Variants in GRM7 observed in about 807,000 individuals in gnomAD.
GRM7 encodes the protein glutamate metabotropic receptor 7.
GRM7 carries 35 observed loss-of-function variants against 84.5 expected under a neutral mutation model. The ratio of observed to expected loss-of-function variants is 0.41; its 90% CI spans 0.32 to 0.55. The LOEUF (loss-of-function observed/expected upper bound fraction) is 0.55. Ranked by LOEUF, GRM7 falls within the 20% of genes least tolerant of loss-of-function variation. The pLI is 0.19. For missense variants in GRM7, 1,003 were observed against 1,194.6 expected, an observed-to-expected ratio of 0.84 and a Z score of 2.36; for synonymous variants, 487 against 455.1, an observed-to-expected ratio of 1.07 and a Z score of -0.89.
At chr3:6,931,053 G>C (rs1007957902) in intron 1 of GRM7, among the ~76,000 whole-genome samples, 2 of 152,106 alleles carry the variant, frequency 1.3e-5, no homozygotes, top group Non-Finnish European at 2.9e-5. Context: ...GCCAGGCTTT[G>C]TATCCATTTA....
At chr3:7,500,953 A>G (rs1166243284) in intron 7 of GRM7, among the ~76,000 whole-genome samples, 1 of 152,232 alleles carries the variant, frequency 6.6e-6, no homozygotes, top group Non-Finnish European at 1.5e-5. Flanking sequence ...TGCCTCAACC[A>G]AATCAGTCAA....
In GRM7 at chr3:7,031,673, T is replaced by TA. The variant is rs1285485343; in HGVS notation, c.520-114778dup. The stretch of plus-strand genomic sequence containing the variant: ...GATGTTACTCCAGATACATTTTTTT[T>TA]ATTATACTTGTCATTGCTACTATTG... On this transcript the variant is annotated intron_variant, in intron 1 of 9. Coordinates refer to ENST00000357716, the MANE Select transcript of GRM7 (RefSeq NM_000844.4). 2.0e-5 allele frequency among the ~76,000 whole-genome samples: 3 copies of TA among 152,164 alleles called. No individual in the cohort carries two copies. In the East Asian group the frequency reaches 5.8e-4, roughly 29 times the overall value.
chr3:7,179,197 C>A (rs1695256085), intron 2 of GRM7, among the ~76,000 whole-genome samples: 1 of 152,190 alleles, frequency 6.6e-6, no homozygotes, highest in African/African-American at 2.4e-5. Context: ...TATCTAAAAT[C>A]TCTGGAGGTA....
chr3:6,991,524 A>C (rs76855651), intron 1 of GRM7, among the ~76,000 whole-genome samples: 1,709 of 152,358 alleles, frequency 0.011, 30 homozygotes, highest in African/African-American at 0.039. Context: ...ATACAGCTAA[A>C]GTTAAGAGTC....
chr3:7,356,843 C>G (rs1693428143), intron 4 of GRM7, among the ~76,000 whole-genome samples: 1 of 151,418 alleles, frequency 6.6e-6, no homozygotes, highest in East Asian at 2.0e-4. Flanking sequence ...ATGCTACTGA[C>G]TTTCCCAAAA....
At chr3:7,693,596 A>T in intron 9 of GRM7, 1 of 1,344,910 alleles carries the variant, frequency 7.4e-7, no homozygotes, top group Non-Finnish European at 1.0e-6. Context: ...GGTTTGCCAA[A>T]GTCCAGACTG....
intron 4 of GRM7, among the ~76,000 whole-genome samples, chr3:7,413,085 G>A (rs60310685): frequency 0.047 from 7,074 of 152,098 alleles, 475 homozygotes; most frequent in African/African-American, 0.15. Context: ...GTAACTGTAT[G>A]TCTTGTATTG....
intron 9 of GRM7, among the ~76,000 whole-genome samples, chr3:7,720,195 A>G (rs1575667747): frequency 6.6e-6 from 1 of 152,124 alleles, no homozygotes; most frequent in South Asian, 2.1e-4. Flanking sequence ...TAAATCCAGG[A>G]ACTTTGACAT....
intron 2 of GRM7, among the ~76,000 whole-genome samples, chr3:7,187,380 C>T (rs17216426): frequency 0.12 from 17,976 of 152,186 alleles, 1,333 homozygotes; most frequent in East Asian, 0.2. Flanking sequence ...TTGTTTGTCT[C>T]TCTCACCCTC....
chr3:7,159,897 G>T (rs1406593733), intron 2 of GRM7, among the ~76,000 whole-genome samples: 1 of 152,086 alleles, frequency 6.6e-6, no homozygotes, highest in Non-Finnish European at 1.5e-5. Context: ...TATTTAAAGT[G>T]CTTAAGCTTT....
chr3:7,349,194 C>G (rs935744928), intron 4 of GRM7, among the ~76,000 whole-genome samples: 3 of 152,098 alleles, frequency 2.0e-5, no homozygotes, highest in African/African-American at 7.2e-5. Context: ...AACATTTTTA[C>G]TCCTTTTCCC....
intron 2 of GRM7, among the ~76,000 whole-genome samples, chr3:7,170,981 A>G (rs906011962): frequency 6.6e-6 from 1 of 152,058 alleles, no homozygotes; most frequent in African/African-American, 2.4e-5. Flanking sequence ...TCACATCTGG[A>G]GCTCTTATCC....
At chr3:7,496,383 T>G (rs1699701760) in intron 7 of GRM7, among the ~76,000 whole-genome samples, 1 of 152,112 alleles carries the variant, frequency 6.6e-6, no homozygotes, top group Non-Finnish European at 1.5e-5. Flanking sequence ...CAGAAAACAC[T>G]AGAACAAAGT....
At position 6,956,385 on chromosome 3, in the gene GRM7, A is replaced by G. The variant is rs566284408; in HGVS notation, c.519+94478A>G. On this transcript the variant is annotated intron_variant, in intron 1 of 9. Coordinates refer to ENST00000357716, the MANE Select transcript of GRM7 (RefSeq NM_000844.4). ...TGCTCTGATGTGGTTTCTAATTCAC[A>G]TTAGAGGATTAATCATTACAGAGAA... 2.0e-5 allele frequency among the ~76,000 whole-genome samples: 3 copies of G among 152,332 alleles called. No homozygotes were observed. In the South Asian group the frequency reaches 6.2e-4, roughly 32 times the overall value.
At chr3:7,277,370 G>A (rs1009958443) in intron 2 of GRM7, among the ~76,000 whole-genome samples, 2 of 151,702 alleles carry the variant, frequency 1.3e-5, no homozygotes, top group African/African-American at 2.4e-5. Flanking sequence ...TCATAAAAGG[G>A]AACTGTCACT....
chr3:6,952,209 A>G (rs1417631539), intron 1 of GRM7, among the ~76,000 whole-genome samples: 1 of 152,146 alleles, frequency 6.6e-6, no homozygotes, highest in East Asian at 1.9e-4. Context: ...TATTTAGTCT[A>G]AGGTTATTCC....
chr3:7,592,404 A>G (rs1258716256), intron 8 of GRM7, among the ~76,000 whole-genome samples: 2 of 152,188 alleles, frequency 1.3e-5, no homozygotes. Flanking sequence ...CTAAGAGAAG[A>G]GCATTCTGGG....
chr3:7,207,219 C>T (rs1385316772), intron 2 of GRM7, among the ~76,000 whole-genome samples: 3 of 152,140 alleles, frequency 2.0e-5, no homozygotes, highest in Non-Finnish European at 4.4e-5. Context: ...TGGCTCTTCA[C>T]CTTGACTGAG....
At chr3:7,122,843 G>T (rs1693270584) in intron 1 of GRM7, among the ~76,000 whole-genome samples, 1 of 152,140 alleles carries the variant, frequency 6.6e-6, no homozygotes, top group Non-Finnish European at 1.5e-5. Flanking sequence ...CTAAGAAAAA[G>T]CAAATGGTGA....
Sources: gnomAD v4.1 joint callset for allele counts (sites outside exome capture counted in the v4.1 genomes callset) on GRCh38, gnomAD v4.1.1 for gene constraint, MANE v1.5 for transcripts, NCBI Gene and HGNC (gene_info 2026-07-23, HGNC 2026-07-21) for gene names.